The following WARS1 variants were observed in gnomAD, a reference collection of about 807,000 sequenced individuals.
WARS1 encodes the protein tryptophanyl-tRNA synthetase 1, also known as tryptophan--tRNA ligase, cytoplasmic.
In WARS1, 17 loss-of-function variants were observed where a neutral mutation model predicts 47.8. The ratio of observed to expected loss-of-function variants is 0.36; its 90% CI spans 0.24 to 0.53. The LOEUF is 0.53. WARS1 is among the 20% of genes least tolerant of loss of function. WARS1 has a pLI of 0.91. For missense variants in WARS1, 434 were observed against 608.0 expected (o/e 0.71, Z 3.01); for synonymous variants, 208 against 228.1 (o/e 0.91, Z 0.79).
At chr14:100,369,746 T>C (rs541759885) in intron 1 of WARS1, among the ~76,000 whole-genome samples, 1 of 152,074 alleles carries the variant, frequency 6.6e-6, no homozygotes, top group South Asian at 2.1e-4. Context: ...GGTGTGATCT[T>C]GGCTCACTGC....
intron 4 of WARS1, among the ~76,000 whole-genome samples, chr14:100,356,437 C>T (rs1051214098): frequency 6.7e-6 from 1 of 150,334 alleles, no homozygotes; most frequent in Non-Finnish European, 1.5e-5. Context: ...CTCAAACGGC[C>T]AAAATCAGGA....
In WARS1 at chr14:100,369,113, A is replaced by G; in HGVS notation, c.73T>C (p.Ser25Pro). The G allele has an allele frequency of 6.4e-7, 1 of 1,566,356 alleles. No individual in the cohort carries two copies. The highest frequency in any genetic ancestry group is 1.7e-5 in the Admixed American group (1 of 57,186). ...SIATQGELVRSLKAGNASKDE... is the reference protein window; with the variant it reads ...SIATQGELVRPLKAGNASKDE... ...TTTGACGCATTTCCCGCTTTGAGGG[A>G]CCTTACGAGCTCCCCTTGTGTGGCG... The change falls in exon 2 of 11, where the codon TCC becomes CCC. Residue 25 changes from serine (S) to proline (P), a missense_variant. Physicochemically the swap from Ser to Pro is moderately conservative, Grantham distance 74. Transcript: ENST00000392882.
intron 10 of WARS1, 49 bp downstream of exon 10, chr14:100,337,013 G>C: frequency 6.3e-7 from 1 of 1,598,098 alleles, no homozygotes; most frequent in South Asian, 1.1e-5. Flanking sequence ...CCCATGGGCA[G>C]GAGTGGGTGG....
chr14:100,365,958 G>C, intron 2 of WARS1: 1 of 453,216 alleles, frequency 2.2e-6, no homozygotes, highest in South Asian at 1.6e-5. Flanking sequence ...ACTTACAGGA[G>C]TGGGGGCAGG....
At chr14:100,354,857 C>T (rs1305078236) in intron 4 of WARS1, among the ~76,000 whole-genome samples, 1 of 152,178 alleles carries the variant, frequency 6.6e-6, no homozygotes, top group Non-Finnish European at 1.5e-5. Flanking sequence ...AACATCAGTG[C>T]CGACATACTG....
At chr14:100,354,908 A>G (rs576982051) in intron 4 of WARS1, among the ~76,000 whole-genome samples, 19 of 152,318 alleles carry the variant, frequency 1.2e-4, no homozygotes, top group Admixed American at 9.8e-4. Context: ...GGCCAACACC[A>G]TATGATCCTT....
At chr14:100,339,302 C>T (rs978238528) in intron 9 of WARS1, among the ~76,000 whole-genome samples, 7 of 151,650 alleles carry the variant, frequency 4.6e-5, no homozygotes, top group African/African-American at 1.5e-4. Flanking sequence ...AGGCAAGGCC[C>T]ATGCGAGGGG....
chr14:100,354,324 C>T (rs937886126), intron 5 of WARS1, 123 bp downstream of exon 5: 14 of 1,433,648 alleles, frequency 9.8e-6, no homozygotes, highest in Non-Finnish European at 1.3e-5. Flanking sequence ...AAAGTGCCAA[C>T]TCTTGACATC....
intron 6 of WARS1, among the ~76,000 whole-genome samples, chr14:100,349,771 T>G (rs1183834777): frequency 6.6e-6 from 1 of 152,230 alleles, no homozygotes; most frequent in Admixed American, 6.5e-5. Context: ...CAGGGGGAAC[T>G]GCACTGGCCT....
chr14:100,366,775 T>C (rs1035235536), intron 2 of WARS1: 13 of 1,108,250 alleles, frequency 1.2e-5, no homozygotes, highest in Non-Finnish European at 1.8e-5. Flanking sequence ...ACAATGAAGC[T>C]TGAAGATACA....
chr14:100,355,520 C>A (rs557872517), intron 4 of WARS1, among the ~76,000 whole-genome samples: 22 of 152,154 alleles, frequency 1.4e-4, no homozygotes, highest in South Asian at 1.0e-3. Flanking sequence ...TGCGCCTGGC[C>A]GGGAATTTGT....
intron 2 of WARS1, among the ~76,000 whole-genome samples, chr14:100,362,995 G>A (rs1020643003): frequency 7.2e-5 from 11 of 152,190 alleles, no homozygotes; most frequent in Non-Finnish European, 1.6e-4. Context: ...TGTGGAATCA[G>A]TAACCCAATG....
Position 100,337,048 on chromosome 14 carries a change from G to A in WARS1, c.1254+14C>T, listed in dbSNP as rs1421879429. ...GCAGAAGGCGGCTGTGGGCCCTTGG[G>A]GTTCCCTGCTCACCTTCCTGATCTG... On this transcript the variant is annotated intron_variant, in intron 10 of 10. Coordinates refer to ENST00000392882, the MANE Select transcript of WARS1 (RefSeq NM_004184.4). 6.2e-7 allele frequency: 1 copy of A among 1,608,712 alleles called. No individual in the cohort carries two copies. The highest frequency in any genetic ancestry group is 1.1e-5 in the South Asian group (1 of 90,918).
At position 100,339,130 on chromosome 14, in the gene WARS1, C is replaced by T. The variant is rs796712203; in HGVS notation, c.1114-1928G>A. On this transcript the variant is annotated intron_variant, in intron 9 of 10. Transcript: ENST00000392882. Reference sequence around the variant, plus strand: ...ACACACACACACACACACATACACACACACACACACACACACAGAATTCTA... The same window carrying T: ...ACACACACACACACACACATACACATACACACACACACACACAGAATTCTA... 2.9e-3 allele frequency among the ~76,000 whole-genome samples: 431 copies of T among 150,666 alleles called. 2 individuals carry two copies. The highest frequency in any genetic ancestry group is 9.4e-3 in the African/African-American group (385 of 41,096).
rs1374501822 is a variant in WARS1 at position 100,346,915 on chromosome 14, TA to T, written c.726-70del. The T allele has an allele frequency of 8.0e-6, 11 of 1,381,758 alleles. No homozygotes were observed. In the Admixed American group the frequency reaches 1.2e-4, roughly 15 times the overall value. 85.6% of individuals were successfully genotyped at this position (1,381,758 alleles called of 1,614,324 possible). A position where few individuals can be genotyped will look rare whatever the true frequency, so the allele number is the denominator to read the frequency against. ...TCACTGAAGGCAAAGTCACAGTTAT[TA>T]AAATTGGATGCCAATGAGTAGTGGC... On this transcript the variant is annotated intron_variant, in intron 6 of 10. Transcript: ENST00000392882.
intron 9 of WARS1, chr14:100,342,089 T>C: frequency 2.7e-6 from 1 of 371,770 alleles, no homozygotes; most frequent in Admixed American, 3.7e-5. Context: ...TAATTATAAC[T>C]TTAAGGAAAT....
At chr14:100,346,042 G>T (rs1894597581) in intron 7 of WARS1, among the ~76,000 whole-genome samples, 1 of 152,258 alleles carries the variant, frequency 6.6e-6, no homozygotes, top group Non-Finnish European at 1.5e-5. Context: ...GGCCTCAAGG[G>T]CCTGCTATGC....
chr14:100,362,410 T>G (rs905136270), intron 2 of WARS1, among the ~76,000 whole-genome samples: 4 of 151,950 alleles, frequency 2.6e-5, no homozygotes, highest in Non-Finnish European at 5.9e-5. Flanking sequence ...CTAAGGATAG[T>G]AAGAGCAACT....
chr14:100,360,718 A>G, intron 3 of WARS1, 56 bp from the exon 4 acceptor site: 2 of 1,309,940 alleles, frequency 1.5e-6, no homozygotes, highest in Non-Finnish European at 2.2e-6. Context: ...GTGATCAGAT[A>G]TTACTGAAAT....
Sources: gnomAD v4.1 joint callset for allele counts (sites outside exome capture counted in the v4.1 genomes callset) on GRCh38, gnomAD v4.1.1 for gene constraint, MANE v1.5 for transcripts, NCBI Gene and HGNC (gene_info 2026-07-23, HGNC 2026-07-21) for gene names.